Variants in ZFHX3 observed in about 807,000 individuals in gnomAD.
ZFHX3 encodes the protein zinc finger homeobox protein 3.
Under a neutral mutation model 279.1 loss-of-function variants are expected in ZFHX3, and 42 were observed. That is an observed-to-expected ratio of 0.15 (90% CI 0.12 to 0.19). The LOEUF is 0.19. Ranked by LOEUF, ZFHX3 falls within the 10% of genes least tolerant of loss-of-function variation. The probability of loss-of-function intolerance (pLI) is 1.00; values close to 1 mark genes in which losing one functional copy is unlikely to be tolerated. For missense variants in ZFHX3, 4,981 were observed against 4,754.0 expected (o/e 1.05, Z -1.40); for synonymous variants, 2,293 against 1,957.8 (o/e 1.17, Z -4.52).
At chr16:73,635,876 T>C (rs984784475) in intron 2 of ZFHX3, among the ~76,000 whole-genome samples, 6 of 152,260 alleles carry the variant, frequency 3.9e-5, no homozygotes, top group African/African-American at 1.2e-4. Flanking sequence ...GTTGTTTATG[T>C]TGGCATCTCT....
intron 4 of ZFHX3, among the ~76,000 whole-genome samples, chr16:72,878,057 G>T (rs1461901589): frequency 6.6e-6 from 1 of 151,880 alleles, no homozygotes; most frequent in Admixed American, 6.6e-5. Context: ...AGGTGTGGTG[G>T]TGCATGCCTG....
intron 3 of ZFHX3, among the ~76,000 whole-genome samples, chr16:73,357,347 G>A (rs1396769949): frequency 6.6e-6 from 1 of 150,666 alleles, no homozygotes; most frequent in Non-Finnish European, 1.5e-5. Context: ...AAAATTGAGA[G>A]AGAGAGAGAA....
intron 1 of ZFHX3, among the ~76,000 whole-genome samples, chr16:73,014,830 G>T (rs765850940): frequency 6.6e-6 from 1 of 151,624 alleles, no homozygotes; most frequent in Non-Finnish European, 1.5e-5. Flanking sequence ...AACTTCTTAC[G>T]GCATCAAGAG....
chr16:73,712,951 G>T (rs559503334), intron 1 of ZFHX3, among the ~76,000 whole-genome samples: 1 of 152,174 alleles, frequency 6.6e-6, no homozygotes, highest in Non-Finnish European at 1.5e-5. Context: ...GCTGATGGGG[G>T]CTCCGCATTG....
chr16:73,101,476 T>C (rs1966229601), intron 7 of ZFHX3, among the ~76,000 whole-genome samples: 1 of 152,190 alleles, frequency 6.6e-6, no homozygotes, highest in Admixed American at 6.5e-5. Context: ...TCTCCCTGGT[T>C]CGAGCAATTC....
At chr16:73,752,891 G>A (rs16972466) in intron 1 of ZFHX3, among the ~76,000 whole-genome samples, 3 of 152,148 alleles carry the variant, frequency 2.0e-5, no homozygotes, top group Non-Finnish European at 4.4e-5. Flanking sequence ...ACATTTGCAG[G>A]TACCTCCAAT....
chr16:73,693,855 A>T lies in ZFHX3; in HGVS notation c.-1607-13615T>A, dbSNP rs2053171294. Among the ~76,000 whole-genome samples the T allele has an allele frequency of 2.0e-5, 3 of 152,184 alleles. No homozygotes were observed. The South Asian group carries it at 6.2e-4, about 32-fold the overall frequency. On this transcript the variant is annotated intron_variant, in intron 1 of 17. Transcript: ENST00000641206. ...GCGTTTCCACATCTCATGATGGATT[A>T]TCAAACACCTACAAATGGCTCTCGG... is the stretch of plus-strand genomic sequence containing the variant.
At chr16:73,757,170 G>A (rs1054215328) in intron 1 of ZFHX3, among the ~76,000 whole-genome samples, 2 of 152,192 alleles carry the variant, frequency 1.3e-5, no homozygotes, top group African/African-American at 4.8e-5. Flanking sequence ...TATGGCTGGG[G>A]TGGAAAGGGA....
chr16:73,391,085 C>A (rs1415536056), intron 3 of ZFHX3, among the ~76,000 whole-genome samples: 1 of 152,080 alleles, frequency 6.6e-6, no homozygotes, highest in African/African-American at 2.4e-5. Flanking sequence ...TGGCAATAGA[C>A]TGACCTGAGC....
intron 3 of ZFHX3, among the ~76,000 whole-genome samples, chr16:72,941,856 C>T (rs1360702187): frequency 6.6e-6 from 1 of 152,174 alleles, no homozygotes; most frequent in Non-Finnish European, 1.5e-5. Context: ...TTTCATTCTA[C>T]ATCCCGGCTG....
intron 5 of ZFHX3, among the ~76,000 whole-genome samples, chr16:73,247,047 G>C (rs2013302782): frequency 6.6e-6 from 1 of 152,102 alleles, no homozygotes; most frequent in Non-Finnish European, 1.5e-5. Flanking sequence ...ATATGTGTCT[G>C]TGTGTCTATA....
At chr16:73,734,238 C>T (rs1344360462) in intron 1 of ZFHX3, among the ~76,000 whole-genome samples, 1 of 152,162 alleles carries the variant, frequency 6.6e-6, no homozygotes, top group Non-Finnish European at 1.5e-5. Context: ...TGGACTATCA[C>T]CAGTCCATGG....
chr16:73,310,765 G>A (rs550533442), intron 4 of ZFHX3, among the ~76,000 whole-genome samples: 4 of 151,848 alleles, frequency 2.6e-5, no homozygotes, highest in Admixed American at 6.6e-5. Context: ...TAAAAGAATC[G>A]TTAAAAATTA....
intron 2 of ZFHX3, among the ~76,000 whole-genome samples, chr16:73,606,066 C>T (rs1321498074): frequency 6.6e-6 from 1 of 151,162 alleles, no homozygotes; most frequent in Non-Finnish European, 1.5e-5. Context: ...ACCTGTAGTC[C>T]CAGCTATTTG....
At chr16:73,876,642 A>C (rs551236582) in intron 1 of ZFHX3, among the ~76,000 whole-genome samples, 1 of 152,344 alleles carries the variant, frequency 6.6e-6, no homozygotes, top group African/African-American at 2.4e-5. Context: ...AGTTCCTTTA[A>C]TCAACTCCCC....
At chr16:72,885,163 G>A (rs748128089) in intron 4 of ZFHX3, among the ~76,000 whole-genome samples, 7 of 152,232 alleles carry the variant, frequency 4.6e-5, no homozygotes, top group Admixed American at 3.3e-4. Context: ...CCATCACACT[G>A]AACCAAAGAC....
chr16:73,767,363 T>G (rs888044337), intron 1 of ZFHX3, among the ~76,000 whole-genome samples: 2 of 152,196 alleles, frequency 1.3e-5, no homozygotes, highest in Non-Finnish European at 2.9e-5. Flanking sequence ...CTTCTCTTTA[T>G]AAGGTAAAAT....
chr16:73,636,113 A>T lies in ZFHX3; in HGVS notation c.-1547+44067T>A, dbSNP rs573916050. On this transcript the variant is annotated intron_variant, in intron 2 of 17. Transcript: ENST00000641206. Reference sequence around the variant, plus strand: ...AACTTATCCATTCCCATATTTTCAGATCTGCTCCTATAATTTCAGTTCTCA... The same window carrying T: ...AACTTATCCATTCCCATATTTTCAGTTCTGCTCCTATAATTTCAGTTCTCA... 2.6e-5 allele frequency among the ~76,000 whole-genome samples: 4 copies of T among 152,238 alleles called. No individual in the cohort carries two copies. The East Asian group carries it at 7.7e-4, about 29-fold the overall frequency.
intron 3 of ZFHX3, among the ~76,000 whole-genome samples, chr16:72,893,594 T>G (rs978181891): frequency 1.3e-5 from 2 of 152,214 alleles, no homozygotes; most frequent in Non-Finnish European, 1.5e-5. Context: ...ACACTCTAGC[T>G]CATGTTGGTA....
Sources: allele counts gnomAD v4.1 joint callset (sites outside exome capture counted in the v4.1 genomes callset), GRCh38; gene constraint gnomAD v4.1.1; transcripts MANE v1.5; gene names NCBI Gene and HGNC (gene_info 2026-07-23, HGNC 2026-07-21).